SMARCAD1: variants seen among roughly 807,000 people sequenced by gnomAD.
SMARCAD1 encodes SNF2 related chromatin remodeling ATPase with DExD box 1, also known as SWI/SNF-related matrix-associated actin-dependent regulator of chromatin subfamily A containing DEAD/H box 1.
In SMARCAD1, 25 loss-of-function variants were observed where a neutral mutation model predicts 127.1. The ratio of observed to expected loss-of-function variants is 0.20; its 90% CI spans 0.14 to 0.27. The LOEUF is 0.27. Among genes scored for constraint, SMARCAD1 ranks in the 10% least tolerant of loss-of-function variants. The probability of loss-of-function intolerance (pLI) is 1.00; values close to 1 mark genes in which losing one functional copy is unlikely to be tolerated. For synonymous variants in SMARCAD1, 400 were observed against 396.9 expected (o/e 1.01, Z -0.09); for missense variants, 807 against 1,206.0 (o/e 0.67, Z 4.90).
At chr4:94,254,452 T>C (rs977049865) in intron 9 of SMARCAD1, among the ~76,000 whole-genome samples, 1 of 152,306 alleles carries the variant, frequency 6.6e-6, no homozygotes, top group African/African-American at 2.4e-5. Context: ...GAATATCTTA[T>C]AGTAAAAGTA....
intron 9 of SMARCAD1, 31 bp downstream of exon 9, chr4:94,253,038 T>C (rs1171723611): frequency 6.2e-7 from 1 of 1,604,432 alleles, no homozygotes; most frequent in Non-Finnish European, 8.5e-7. Context: ...TCCCCTTGTA[T>C]GTGTGTGTGT....
rs541015735 is a variant in SMARCAD1 at position 94,257,814 on chromosome 4, T to G, written c.1281+4807T>G. On this transcript the variant is annotated intron_variant, in intron 9 of 23. Coordinates refer to ENST00000354268, the MANE Select transcript of SMARCAD1 (RefSeq NM_020159.5). ...TTATGTAATATAGTTATAATGCACTTTTTGTCATTTGTAGGTCTTATCTAT... is the reference window on the plus strand; with the variant it reads ...TTATGTAATATAGTTATAATGCACTGTTTGTCATTTGTAGGTCTTATCTAT... Among the ~76,000 whole-genome samples, 29 of 152,256 alleles carry G rather than the reference T, an allele frequency of 1.9e-4. No homozygotes were observed. In the East Asian group the frequency reaches 4.1e-3, roughly 21 times the overall value.
intron 5 of SMARCAD1, among the ~76,000 whole-genome samples, chr4:94,238,952 CA>C (rs1747143127): frequency 6.6e-6 from 1 of 152,164 alleles, no homozygotes. Flanking sequence ...CCTCTGCCGT[CA>C]TAAGAGTTTA....
intron 4 of SMARCAD1, among the ~76,000 whole-genome samples, chr4:94,236,136 A>G (rs1033314156): frequency 2.0e-5 from 3 of 152,178 alleles, no homozygotes; most frequent in Non-Finnish European, 2.9e-5. Context: ...AAGAAGGCCA[A>G]TAGGATATAT....
chr4:94,228,151 A>C (rs1200205059), intron 3 of SMARCAD1, among the ~76,000 whole-genome samples: 1 of 152,200 alleles, frequency 6.6e-6, no homozygotes, highest in Non-Finnish European at 1.5e-5. Flanking sequence ...TGTGATAAAC[A>C]TGCCTAATTC....
Position 94,276,366 on chromosome 4 carries a change from T to A in SMARCAD1, c.1836T>A (p.Asp612Glu), listed in dbSNP as rs1247073980. Reference protein sequence around the residue: ...TTYNCAISSSDDRSLFRRLKL... With the variant: ...TTYNCAISSSEDRSLFRRLKL... ...ATAACTGTGCGATCAGCAGTTCTGA[T>A]GACCGTAGTCTGTTTCGACGGCTGA... The change falls in exon 15 of 24, where the codon GAT becomes GAA. Residue 612 changes from aspartate to glutamate, a missense_variant. By Grantham distance (45) the Asp-to-Glu change is conservative. Transcript: ENST00000354268. The A allele has an allele frequency of 3.1e-6, 5 of 1,614,084 alleles. No homozygotes were observed. The highest frequency in any genetic ancestry group is 2.7e-5 in the African/African-American group (2 of 74,942).
At chr4:94,211,194 C>A (rs1258741993) in intron 2 of SMARCAD1, among the ~76,000 whole-genome samples, 1 of 152,154 alleles carries the variant, frequency 6.6e-6, no homozygotes, top group Non-Finnish European at 1.5e-5. Flanking sequence ...ATCACTTGAA[C>A]CCTGGAGGTG....
At chr4:94,269,742 C>T (rs1752268482) in intron 10 of SMARCAD1, among the ~76,000 whole-genome samples, 1 of 152,084 alleles carries the variant, frequency 6.6e-6, no homozygotes, top group Non-Finnish European at 1.5e-5. Flanking sequence ...GATCTCAGCT[C>T]ACTATAACTT....
intron 1 of SMARCAD1, 54 bp downstream of exon 1, chr4:94,208,124 CG>C (rs1578952687): frequency 5.2e-6 from 3 of 577,040 alleles, no homozygotes; most frequent in Non-Finnish European, 9.7e-6. Flanking sequence ...GAGGGGCGGG[CG>C]GGGGAGGCGG....
At chr4:94,272,070 A>C (rs1327723627) in intron 11 of SMARCAD1, among the ~76,000 whole-genome samples, 1 of 152,134 alleles carries the variant, frequency 6.6e-6, no homozygotes, top group Non-Finnish European at 1.5e-5. Flanking sequence ...GTTTCTCCTG[A>C]GTCCTCTCTT....
intron 1 of SMARCAD1, 52 bp from the exon 2 acceptor site, chr4:94,208,294 A>G (rs186564339): frequency 7.4e-6 from 9 of 1,219,244 alleles, no homozygotes; most frequent in African/African-American, 3.0e-5. Context: ...GTGGCATTGT[A>G]TCGTATATTG....
chr4:94,230,643 A>G (rs534293252), intron 3 of SMARCAD1, among the ~76,000 whole-genome samples: 1 of 152,260 alleles, frequency 6.6e-6, no homozygotes, highest in East Asian at 1.9e-4. Context: ...CAAGACAATC[A>G]GAAATATCTC....
At chr4:94,245,800 C>CT (rs1364324883) in intron 6 of SMARCAD1, among the ~76,000 whole-genome samples, 7 of 152,276 alleles carry the variant, frequency 4.6e-5, no homozygotes, top group African/African-American at 1.2e-4. Context: ...CATTGTATCT[C>CT]TAACAGTTTT....
chr4:94,248,493 GTAAA>G (rs1748799990), intron 6 of SMARCAD1: 1 of 456,088 alleles, frequency 2.2e-6, no homozygotes, highest in Non-Finnish European at 4.4e-6. Context: ...TGCCTGGGCT[GTAAA>G]GGTGGCAGTA....
intron 2 of SMARCAD1, 115 bp downstream of exon 2, chr4:94,208,699 G>T (rs998801099): frequency 6.8e-6 from 7 of 1,026,912 alleles, no homozygotes; most frequent in African/African-American, 1.6e-5. Flanking sequence ...ATTGTCCTGC[G>T]GTGTGCCCTT....
intron 11 of SMARCAD1, among the ~76,000 whole-genome samples, chr4:94,272,380 A>G (rs1314899822): frequency 6.6e-6 from 1 of 152,234 alleles, no homozygotes; most frequent in Non-Finnish European, 1.5e-5. Context: ...TTTTTAAACC[A>G]GTATTTTAAT....
chr4:94,287,676 A>G (rs191204352), intron 23 of SMARCAD1, among the ~76,000 whole-genome samples: 2 of 152,332 alleles, frequency 1.3e-5, no homozygotes, highest in East Asian at 3.9e-4. Flanking sequence ...TGATAAAGCT[A>G]AAATCAGAGA....
At chr4:94,236,265 A>G (rs1746635398) in intron 4 of SMARCAD1, among the ~76,000 whole-genome samples, 1 of 152,212 alleles carries the variant, frequency 6.6e-6, no homozygotes. Context: ...CAAGTAACTC[A>G]TTTGAAATAT....
rs754100136 is a variant in SMARCAD1 at position 94,234,012 on chromosome 4, G to T, written c.427G>T (p.Asp143Tyr). 1.9e-6 allele frequency: 3 copies of T among 1,613,788 alleles called. No individual in the cohort carries two copies. The highest frequency in any genetic ancestry group is 2.2e-5 in the East Asian group (1 of 44,834). Residue 143 changes from aspartate to tyrosine, a missense_variant, in exon 4 of 24, where the codon GAT becomes TAT. By Grantham distance (160) the Asp-to-Tyr change is radical (BLOSUM62 -3). Around this residue, in one of 8 missense-constraint regions of SMARCAD1, gnomAD observed 175 missense variants for 169.5 expected, o/e 1.03. Coordinates refer to ENST00000354268, the MANE Select transcript of SMARCAD1 (RefSeq NM_020159.5). ...QGLPTMARRN[D>Y]DISELEDLSE... ...CCTTCCTACCATGGCACGTAGAAAT[G>T]ATGATATTTCAGAACTGGAAGACCT... is the stretch of plus-strand genomic sequence containing the variant.
Sources: allele counts gnomAD v4.1 joint callset (sites outside exome capture counted in the v4.1 genomes callset), GRCh38; gene constraint gnomAD v4.1.1; regional missense constraint gnomAD v4.1.1; transcripts MANE v1.5; gene names NCBI Gene and HGNC (gene_info 2026-07-23, HGNC 2026-07-21).